ASB14: variants seen among roughly 807,000 people sequenced by gnomAD.
ASB14 encodes ankyrin repeat and SOCS box containing 14.
A neutral mutation model predicts 55.6 loss-of-function variants in ASB14; 63 were observed. The ratio of observed to expected loss-of-function variants is 1.13; its 90% CI spans 0.92 to 1.40. The LOEUF (loss-of-function observed/expected upper bound fraction) is 1.40, where lower values mean the gene tolerates loss of function less well. ASB14 is among the 40% of genes most tolerant of loss of function. The pLI, the probability that ASB14 is intolerant of heterozygous loss-of-function variation, is 0.00. For missense variants in ASB14, 724 were observed against 710.4 expected (o/e 1.02, Z -0.22); for synonymous variants, 256 against 259.9 (o/e 0.98, Z 0.15).
rs1402333230 is a variant in ASB14 at position 57,288,245 on chromosome 3, C to T, written c.220G>A (p.Ala74Thr). 5 of 1,536,678 alleles carry T rather than the reference C, an allele frequency of 3.3e-6. No individual in the cohort carries two copies. The highest frequency in any genetic ancestry group is 3.5e-6 in the Non-Finnish European group (4 of 1,146,354). ...CCTATCTCATCTGCTTCACCAAATG[C>T]GGAATGGTACTTGGTTAAGTGTGAC... ...ALSHLTKYHS[A>T]FGEADEIGWI... Residue 74 changes from alanine (A) to threonine (T), a missense_variant, in exon 4 of 11, where the codon GCA becomes ACA. Transcript: ENST00000487349.
rs777656896 is a variant in ASB14 at position 57,278,755 on chromosome 3, G to A, written c.1053C>T (p.His351=). 10 of 1,613,504 alleles carry A rather than the reference G, an allele frequency of 6.2e-6. No homozygotes were observed. The highest frequency in any genetic ancestry group is 8.5e-6 in the Non-Finnish European group (10 of 1,179,806). ...NFMLDQRINK[H]YDDHRKSALY... ...AAGCTGACTTCCTGTGGTCATCGTA[G>A]TGTTTGTTAATTCTCTGATCCAGCA... The change falls in exon 8 of 11, where the codon CAC becomes CAT. Residue 351 remains histidine (H), a synonymous_variant. Coordinates refer to ENST00000487349, the MANE Select transcript of ASB14 (RefSeq NM_001142733.3).
intron 6 of ASB14, among the ~76,000 whole-genome samples, chr3:57,280,801 TAACTC>T (rs1290362089): frequency 6.6e-6 from 1 of 151,854 alleles, no homozygotes; most frequent in Non-Finnish European, 1.5e-5. Flanking sequence ...AAAGCCCACT[TAACTC>T]ATAACACACA....
chr3:57,269,520 C>CT lies in ASB14; in HGVS notation c.*120dup, dbSNP rs146184583. 33,185 of 1,609,890 alleles carry CT rather than the reference C, an allele frequency of 0.021. 433 individuals are homozygous for CT. Among genetic ancestry groups the CT allele is most frequent in the Non-Finnish European group, 0.026 (30,805 of 1,178,194 alleles). On this transcript the variant is annotated 3_prime_UTR_variant, in exon 11 of 11. Transcript: ENST00000487349. Reference sequence around the variant, plus strand: ...TGACTGCAGACAAGTAACTTAGTTTCTTTTTTGTCTTTTCCACTAGGACTT... The same window carrying CT: ...TGACTGCAGACAAGTAACTTAGTTTCTTTTTTTGTCTTTTCCACTAGGACTT...
chr3:57,287,777 T>C (rs1361843957), intron 5 of ASB14, 124 bp downstream of exon 5: 5 of 1,102,004 alleles, frequency 4.5e-6, no homozygotes, highest in African/African-American at 1.6e-5. Flanking sequence ...TCGGTACCCA[T>C]GTCTGGTCAG....
At chr3:57,285,234 C>T (rs2061072401) in intron 5 of ASB14, among the ~76,000 whole-genome samples, 1 of 152,118 alleles carries the variant, frequency 6.6e-6, no homozygotes, top group African/African-American at 2.4e-5. Context: ...AACTACCGTG[C>T]ACAGCCTAAT....
intron 10 of ASB14, among the ~76,000 whole-genome samples, chr3:57,273,646 C>CTA (rs2060963189): frequency 6.6e-6 from 1 of 151,630 alleles, no homozygotes; most frequent in Non-Finnish European, 1.5e-5. Flanking sequence ...TAGAAGCAAA[C>CTA]TAATCGATCA....
Position 57,288,177 on chromosome 3 carries a change from T to C in ASB14, c.288A>G (p.Lys96=). 1 of 1,536,996 alleles carries C rather than the reference T, an allele frequency of 6.5e-7. No homozygotes were observed. Among genetic ancestry groups the C allele is most frequent in the Non-Finnish European group, 8.7e-7 (1 of 1,146,696 alleles). The change falls in exon 4 of 11, where the codon AAA becomes AAG. Residue 96 remains lysine, a synonymous_variant. Transcript: ENST00000487349. ...LHKAAVQLNR[K]ILEITLSASD... ...TACCGCTTAGGGTTATTTCCAAAAT[T>C]TTCCTATTTAATTGCACTGCAGCCT...
Position 57,283,362 on chromosome 3 carries a change from CGTT to C in ASB14, c.544_546del (p.Asn182del). ...GCTGCTTCGTGGAGAGCTGTCCTCT[CGTT>C]GGCACAACGCAGATTGACATCTGCT... On this transcript the variant is annotated inframe_deletion, in exon 6 of 11. Coordinates refer to ENST00000487349, the MANE Select transcript of ASB14 (RefSeq NM_001142733.3). 1 of 1,551,646 alleles carries C rather than the reference CGTT, an allele frequency of 6.4e-7. No homozygotes were observed. The highest frequency in any genetic ancestry group is 8.7e-7 in the Non-Finnish European group (1 of 1,146,950).
At chr3:57,275,281 G>A (rs1174901756) in intron 10 of ASB14, among the ~76,000 whole-genome samples, 1 of 151,898 alleles carries the variant, frequency 6.6e-6, no homozygotes, top group African/African-American at 2.4e-5. Context: ...ATGAAACCCC[G>A]TTTCTACTAA....
chr3:57,280,140 G>A (rs1014204707), intron 7 of ASB14, among the ~76,000 whole-genome samples, 162 bp downstream of exon 7: 3 of 128,858 alleles, frequency 2.3e-5, no homozygotes, highest in Non-Finnish European at 3.1e-5. Flanking sequence ...CCCAGCACCT[G>A]GCGACAGAGG....
At chr3:57,277,666 A>C in intron 9 of ASB14, 101 bp downstream of exon 9, 2 of 1,073,818 alleles carry the variant, frequency 1.9e-6, no homozygotes, top group Non-Finnish European at 2.7e-6. Context: ...GTTTAAGTCA[A>C]GCTTTTAACC....
rs1181255575 is a variant in ASB14, at chr3:57,284,088, C to CTGTGTGTGTGTGTGTGTGTGTGTGTG, written c.470-650_470-649insCACACACACACACACACACACACACA. 2.9e-4 allele frequency among the ~76,000 whole-genome samples: 12 copies of CTGTGTGTGTGTGTGTGTGTGTGTGTG among 41,372 alleles called. No homozygotes were observed. In the East Asian group the frequency reaches 6.2e-3, roughly 21 times the overall value. 27.1% of individuals were successfully genotyped at this position (41,372 alleles called of 152,430 possible). A position where few individuals can be genotyped will look rare whatever the true frequency, so the allele number is the denominator to read the frequency against. ...AATAATAATAAAAGGCTTGGGAACACTGTGTATGTGTGTGTGTGTGTGTGT... is the reference window on the plus strand; with the variant it reads ...AATAATAATAAAAGGCTTGGGAACACTGTGTGTGTGTGTGTGTGTGTGTGTGTGTGTATGTGTGTGTGTGTGTGTGT... On this transcript the variant is annotated intron_variant, in intron 5 of 10. Coordinates refer to ENST00000487349, the MANE Select transcript of ASB14 (RefSeq NM_001142733.3).
At position 57,285,737 on chromosome 3, in the gene ASB14, G is replaced by A. The variant is rs148682728; in HGVS notation, c.469+2164C>T. Among the ~76,000 whole-genome samples the A allele has an allele frequency of 5.5e-3, 835 of 152,116 alleles. 8 individuals are homozygous for A. The highest frequency in any genetic ancestry group is 0.02 in the African/African-American group (810 of 41,498). ...AACTGTCTACATCTCCCTTCAAGATGTCATTCCTAGCCCACCATGGTCTTG... is the reference window on the plus strand; with the variant it reads ...AACTGTCTACATCTCCCTTCAAGATATCATTCCTAGCCCACCATGGTCTTG... On this transcript the variant is annotated intron_variant, in intron 5 of 10. Transcript: ENST00000487349.
chr3:57,276,398 G>C, intron 10 of ASB14, 130 bp downstream of exon 10: 2 of 635,112 alleles, frequency 3.1e-6, no homozygotes, highest in Non-Finnish European at 5.2e-6. Flanking sequence ...CAATCCTCCT[G>C]CCTCAGCCTC....
At chr3:57,277,716 G>T in intron 9 of ASB14, 51 bp downstream of exon 9, 1 of 1,487,030 alleles carries the variant, frequency 6.7e-7, no homozygotes, top group Non-Finnish European at 9.1e-7. Flanking sequence ...AACCAAATAA[G>T]AATACAATTA....
At chr3:57,289,797 A>T (rs1002448370) in intron 2 of ASB14, among the ~76,000 whole-genome samples, 3 of 143,552 alleles carry the variant, frequency 2.1e-5, no homozygotes, top group Non-Finnish European at 4.5e-5. Flanking sequence ...ACAGGTGCCC[A>T]CCATCACGGC....
In ASB14 at chr3:57,268,371, C is replaced by A; in HGVS notation, c.*1270G>T. 2.7e-6 allele frequency: 4 copies of A among 1,491,596 alleles called. No homozygotes were observed. The highest frequency in any genetic ancestry group is 1.2e-5 in the South Asian group (1 of 81,308). The allele number at this position is 1,491,596 out of a possible 1,614,324, so 92.4% of individuals were successfully genotyped here. ...ATTTAAAGTTATTTCATATTTAATT[C>A]ATTAGTTTTATTCATCTGTTCTTTA... On this transcript the variant is annotated 3_prime_UTR_variant, in exon 11 of 11. Transcript: ENST00000487349.
chr3:57,269,458 C>T lies in ASB14; in HGVS notation c.*183G>A. ...TACATATTTATGACAGAAGAAGTGG[C>T]TCTCAAGAATGTATCTTAACTGCAT... On this transcript the variant is annotated 3_prime_UTR_variant, in exon 11 of 11. Transcript: ENST00000487349. 7.6e-7 allele frequency: 1 copy of T among 1,321,078 alleles called. No individual in the cohort carries two copies. Among genetic ancestry groups the T allele is most frequent in the Non-Finnish European group, 1.0e-6 (1 of 961,622 alleles). The allele number at this position is 1,321,078 out of a possible 1,614,324, so 81.8% of individuals were successfully genotyped here.
Position 57,276,555 on chromosome 3 carries a change from AG to A in ASB14, c.1758del (p.Trp587GlyfsTer78), listed in dbSNP as rs1431594567. ...TTTCCATTAGAATGGTTTGATTACC[AG>A]GTTCCTGTAAAAATTCCTTGTCCAT... is the stretch of plus-strand genomic sequence containing the variant. ...DLYGQGIFTG[T>X]W On this transcript the variant is annotated frameshift_variant, in exon 10 of 11. Transcript: ENST00000487349. LOFTEE classifies it high-confidence loss of function. The A allele has an allele frequency of 1.2e-6, 2 of 1,605,874 alleles. No individual in the cohort carries two copies. The highest frequency in any genetic ancestry group is 1.7e-5 in the Admixed American group (1 of 59,156).
Sources: allele counts gnomAD v4.1 joint callset (sites outside exome capture counted in the v4.1 genomes callset), GRCh38; gene constraint gnomAD v4.1.1; transcripts MANE v1.5; gene names NCBI Gene and HGNC (gene_info 2026-07-23, HGNC 2026-07-21).